The following MECOM variants were observed in gnomAD, a reference collection of about 807,000 sequenced individuals.
MECOM encodes histone-lysine N-methyltransferase MECOM.
In MECOM, 13 loss-of-function variants were observed where a neutral mutation model predicts 116.3. That is an observed-to-expected ratio of 0.11 (90% CI 0.07 to 0.18). The LOEUF (loss-of-function observed/expected upper bound fraction) is 0.18, where lower values mean the gene tolerates loss of function less well. Ranked by LOEUF, MECOM falls within the 10% of genes least tolerant of loss-of-function variation. The probability of loss-of-function intolerance (pLI) is 1.00; values close to 1 mark genes in which losing one functional copy is unlikely to be tolerated. For synonymous variants in MECOM, 528 were observed against 535.2 expected (o/e 0.99, Z 0.19); for missense variants, 1,299 against 1,509.0 (o/e 0.86, Z 2.31).
chr3:169,498,952 C>T (rs899042964), intron 1 of MECOM, among the ~76,000 whole-genome samples: 3 of 151,714 alleles, frequency 2.0e-5, no homozygotes, highest in Non-Finnish European at 4.4e-5. Flanking sequence ...GTAAAAAATT[C>T]AACACATGGT....
chr3:169,139,614 C>G (rs1438780491), intron 3 of MECOM, among the ~76,000 whole-genome samples: 1 of 152,102 alleles, frequency 6.6e-6, no homozygotes, highest in East Asian at 1.9e-4. Flanking sequence ...TAGTGACTCT[C>G]TGATTATTAC....
rs571383473 is a variant in MECOM, at chr3:169,221,345, C to G, written c.376-77513G>C. Among the ~76,000 whole-genome samples the G allele has an allele frequency of 4.6e-5, 7 of 152,268 alleles. No homozygotes were observed. The East Asian group carries it at 1.3e-3, about 29-fold the overall frequency. On this transcript the variant is annotated intron_variant, in intron 2 of 16. Coordinates refer to ENST00000651503, the MANE Select transcript of MECOM (RefSeq NM_004991.4). ...CATTAATGGTTATTTTTAAATACTTCGGTAACATTTTGGAGTAAACTCAGA... is the reference window on the plus strand; with the variant it reads ...CATTAATGGTTATTTTTAAATACTTGGGTAACATTTTGGAGTAAACTCAGA...
At chr3:169,505,027 TG>T (rs1474623036) in intron 1 of MECOM, among the ~76,000 whole-genome samples, 1 of 152,198 alleles carries the variant, frequency 6.6e-6, no homozygotes, top group Non-Finnish European at 1.5e-5. Context: ...GACACATGAC[TG>T]TTCTCTAATA....
At chr3:169,619,445 C>A (rs1305613356) in intron 1 of MECOM, among the ~76,000 whole-genome samples, 1 of 152,204 alleles carries the variant, frequency 6.6e-6, no homozygotes, top group Non-Finnish European at 1.5e-5. Context: ...CTCCTGGGTG[C>A]TCATGAAGCA....
intron 2 of MECOM, among the ~76,000 whole-genome samples, chr3:169,310,218 A>T (rs183677366): frequency 6.6e-6 from 1 of 152,188 alleles, no homozygotes; most frequent in Admixed American, 6.5e-5. Flanking sequence ...CACATTTCAC[A>T]TATTCGTACA....
At chr3:169,286,647 A>G (rs1310265294) in intron 2 of MECOM, among the ~76,000 whole-genome samples, 1 of 152,140 alleles carries the variant, frequency 6.6e-6, no homozygotes, top group Non-Finnish European at 1.5e-5. Context: ...ACCACTCCCT[A>G]GATTAGAAAG....
At chr3:169,152,413 G>C (rs987738095) in intron 2 of MECOM, among the ~76,000 whole-genome samples, 1 of 152,146 alleles carries the variant, frequency 6.6e-6, no homozygotes, top group Non-Finnish European at 1.5e-5. Flanking sequence ...AAGCCCTGCT[G>C]CTGTGCCCTG....
intron 1 of MECOM, among the ~76,000 whole-genome samples, chr3:169,595,076 C>G (rs1207145586): frequency 6.6e-6 from 1 of 152,000 alleles, no homozygotes; most frequent in African/African-American, 2.4e-5. Context: ...TTATTTTCTT[C>G]AAGACAGGCT....
chr3:169,281,807 C>G (rs937374804), intron 2 of MECOM, among the ~76,000 whole-genome samples: 1 of 151,722 alleles, frequency 6.6e-6, no homozygotes, highest in African/African-American at 2.4e-5. Context: ...GAGATCCTGT[C>G]TCAAAAAAAA....
Position 169,495,233 on chromosome 3 carries a change from G to A in MECOM, c.38-113709C>T, listed in dbSNP as rs750804672. Among the ~76,000 whole-genome samples, 56 of 152,076 alleles carry A rather than the reference G, an allele frequency of 3.7e-4. 1 individual carries two copies. Among genetic ancestry groups the A allele is most frequent in the African/African-American group, 1.3e-3 (53 of 41,388 alleles). ...TTAACCTTCTGTGAATTATGTGACC[G>A]GTTTATAGCTTTGATAAGCCTGGGT... On this transcript the variant is annotated intron_variant, in intron 1 of 16. Coordinates refer to ENST00000651503, the MANE Select transcript of MECOM (RefSeq NM_004991.4).
chr3:169,231,231 G>T (rs778589837), intron 2 of MECOM, among the ~76,000 whole-genome samples: 9 of 152,012 alleles, frequency 5.9e-5, no homozygotes, highest in Admixed American at 4.6e-4. Flanking sequence ...TAAACATGTT[G>T]TTCATTCTTT....
chr3:169,661,312 C>A (rs1342391719), intron 1 of MECOM, among the ~76,000 whole-genome samples: 3 of 142,654 alleles, frequency 2.1e-5, no homozygotes, highest in East Asian at 1.9e-4. Flanking sequence ...AACTCCCCCC[C>A]CCACACACAC....
intron 2 of MECOM, among the ~76,000 whole-genome samples, chr3:169,177,449 T>C (rs1231271550): frequency 2.0e-5 from 3 of 151,824 alleles, no homozygotes. Flanking sequence ...AGGGGAACAA[T>C]GCATACCAGG....
intron 2 of MECOM, among the ~76,000 whole-genome samples, chr3:169,333,449 C>T (rs1276188848): frequency 2.0e-5 from 3 of 152,070 alleles, no homozygotes; most frequent in East Asian, 1.9e-4. Context: ...GGGGAATTTT[C>T]GTTTGGCCAG....
chr3:169,537,080 C>G (rs1205062815), intron 1 of MECOM, among the ~76,000 whole-genome samples: 3 of 152,114 alleles, frequency 2.0e-5, no homozygotes, highest in African/African-American at 7.2e-5. Flanking sequence ...CATTTAGCCC[C>G]TTATAATTCC....
chr3:169,448,748 A>G (rs753402492), intron 1 of MECOM, among the ~76,000 whole-genome samples: 11 of 152,160 alleles, frequency 7.2e-5, no homozygotes, highest in Admixed American at 3.3e-4. Flanking sequence ...TCACATCTCA[A>G]CTACTCTTGA....
At chr3:169,265,604 C>A (rs1189163063) in intron 2 of MECOM, among the ~76,000 whole-genome samples, 1 of 152,264 alleles carries the variant, frequency 6.6e-6, no homozygotes, top group East Asian at 1.9e-4. Context: ...TGTGTGACAT[C>A]AGAGAGCTGG....
chr3:169,433,857 C>G (rs74826792), intron 1 of MECOM, among the ~76,000 whole-genome samples: 4,939 of 151,972 alleles, frequency 0.032, 198 homozygotes, highest in African/African-American at 0.091. Context: ...AATGTTTGAA[C>G]GCAGGAGATT....
intron 1 of MECOM, among the ~76,000 whole-genome samples, chr3:169,532,738 T>C (rs1038788471): frequency 6.6e-5 from 10 of 152,140 alleles, no homozygotes; most frequent in Non-Finnish European, 1.0e-4. Flanking sequence ...GGCTCCTCAG[T>C]TGCTTCCCCA....
Sources: gnomAD v4.1 joint callset for allele counts (sites outside exome capture counted in the v4.1 genomes callset) on GRCh38, gnomAD v4.1.1 for gene constraint, MANE v1.5 for transcripts, NCBI Gene and HGNC (gene_info 2026-07-23, HGNC 2026-07-21) for gene names.